The following GRIK3 variants were observed in gnomAD, a reference collection of about 807,000 sequenced individuals.
GRIK3 encodes glutamate ionotropic receptor kainate type subunit 3, also known as glutamate receptor ionotropic, kainate 3.
In GRIK3, 29 loss-of-function variants were observed where a neutral mutation model predicts 102.5. The observed-to-expected ratio is 0.28, with a 90% CI of 0.21 to 0.39. GRIK3 has a LOEUF of 0.39. Among genes scored for constraint, GRIK3 ranks in the 10% least tolerant of loss-of-function variants. The pLI is 1.00. For synonymous variants in GRIK3, 511 were observed against 504.9 expected, an observed-to-expected ratio of 1.01 and a Z score of -0.16; for missense variants, 908 against 1,252.4, an observed-to-expected ratio of 0.73 and a Z score of 4.15.
rs1360147080 is a variant in GRIK3, at chr1:36,841,942, G to T, written c.1327-3C>A. On this transcript the variant is annotated splice_polypyrimidine_tract_variant and splice_region_variant and intron_variant, in intron 9 of 15. Coordinates refer to ENST00000373091, the MANE Select transcript of GRIK3 (RefSeq NM_000831.4). ...CGAAACATGACGAAGGGCTCCTCCT[G>T]CAGAGACAGATGGGCAGGGTGTGAC... 7.4e-6 allele frequency: 12 copies of T among 1,613,340 alleles called. No homozygotes were observed. In the Admixed American group the frequency reaches 2.0e-4, roughly 27 times the overall value.
chr1:36,828,614 A>T (rs892131748), intron 10 of GRIK3, among the ~76,000 whole-genome samples: 3 of 152,158 alleles, frequency 2.0e-5, no homozygotes, highest in Non-Finnish European at 4.4e-5. Flanking sequence ...ATGCCTAATG[A>T]CATTTCTCAG....
intron 15 of GRIK3, chr1:36,804,632 A>G (rs1642477712): frequency 2.3e-6 from 1 of 431,692 alleles, no homozygotes; most frequent in Non-Finnish European, 4.1e-6. Context: ...ATTACCCTGG[A>G]GGGTTTTATG....
At chr1:36,855,642 G>T (rs1640643097) in intron 7 of GRIK3, among the ~76,000 whole-genome samples, 1 of 152,208 alleles carries the variant, frequency 6.6e-6, no homozygotes, top group South Asian at 2.1e-4. Flanking sequence ...GGCATATAGA[G>T]CGCTGAGCAC....
intron 13 of GRIK3, among the ~76,000 whole-genome samples, chr1:36,810,277 A>G (rs2124182008): frequency 6.6e-6 from 1 of 152,280 alleles, no homozygotes; most frequent in East Asian, 1.9e-4. Context: ...TAGGGAACGA[A>G]GTCTCACATA....
chr1:36,958,318 G>A (rs1386783088), intron 1 of GRIK3, among the ~76,000 whole-genome samples: 1 of 87,962 alleles, frequency 1.1e-5, no homozygotes, highest in African/African-American at 6.0e-5. Context: ...TGTGCCCGGT[G>A]AGTCTGTGCC....
At position 36,841,931 on chromosome 1, in the gene GRIK3, G is replaced by C. The variant is rs1640458552; in HGVS notation, c.1335C>G (p.Pro445=). 3 of 1,613,974 alleles carry C rather than the reference G, an allele frequency of 1.9e-6. No individual in the cohort carries two copies. Among genetic ancestry groups the C allele is most frequent in the African/African-American group, 2.7e-5 (2 of 74,916 alleles). The change falls in exon 10 of 16, where the codon CCC becomes CCG. Residue 445 remains proline (P), a synonymous_variant. Transcript: ENST00000373091. ...SLIVTTVLEE[P]FVMFRKSDRT... ...TGTCTGATTTCCGAAACATGACGAA[G>C]GGCTCCTCCTGCAGAGACAGATGGG...
intron 1 of GRIK3, among the ~76,000 whole-genome samples, chr1:36,990,274 C>T (rs1262440043): frequency 6.6e-6 from 1 of 152,222 alleles, no homozygotes; most frequent in Admixed American, 6.5e-5. Context: ...CTGGGCACCT[C>T]CTGTCCTGAC....
intron 1 of GRIK3, among the ~76,000 whole-genome samples, chr1:37,015,217 C>T (rs975913876): frequency 2.0e-5 from 3 of 152,112 alleles, no homozygotes; most frequent in Non-Finnish European, 2.9e-5. Context: ...AGATGATGTG[C>T]TAAAGCAGAG....
chr1:36,856,842 G>A (rs1023574905), intron 7 of GRIK3, among the ~76,000 whole-genome samples: 1 of 152,140 alleles, frequency 6.6e-6, no homozygotes, highest in Non-Finnish European at 1.5e-5. Flanking sequence ...GGGGCAAAGT[G>A]TAAACAGGGT....
intron 1 of GRIK3, among the ~76,000 whole-genome samples, chr1:36,997,322 G>T (rs1367533597): frequency 6.6e-6 from 1 of 152,216 alleles, no homozygotes; most frequent in Non-Finnish European, 1.5e-5. Context: ...TCTCAAATCA[G>T]GATTTAATTG....
intron 10 of GRIK3, among the ~76,000 whole-genome samples, chr1:36,829,436 G>T (rs779622825): frequency 2.0e-5 from 3 of 151,544 alleles, no homozygotes; most frequent in African/African-American, 4.9e-5. Context: ...GAAGGAAACT[G>T]AGGCTCGGAG....
At chr1:36,955,750 G>A (rs76084800) in intron 1 of GRIK3, among the ~76,000 whole-genome samples, 3,261 of 152,340 alleles carry the variant, frequency 0.021, 52 homozygotes, top group Middle Eastern at 0.088. Flanking sequence ...ACACCAAGGC[G>A]TTCAGGACCA....
At chr1:36,933,941 C>T (rs901331660) in intron 1 of GRIK3, among the ~76,000 whole-genome samples, 1 of 152,192 alleles carries the variant, frequency 6.6e-6, no homozygotes, top group African/African-American at 2.4e-5. Context: ...TCTTTATGCC[C>T]CACTGTGGGA....
intron 12 of GRIK3, among the ~76,000 whole-genome samples, chr1:36,818,223 TGCTTTGAATAGCA>T (rs2124190472): frequency 6.6e-6 from 1 of 152,342 alleles, no homozygotes; most frequent in South Asian, 2.1e-4. Flanking sequence ...CAAGGGCCAG[TGCTTTGAATAGCA>T]GCAGGAGGTG....
rs188867973 is a variant in GRIK3 at position 36,967,744 on chromosome 1, T to C, written c.115+66250A>G. ...AGACACACTGAGTCAGAAGCCCAAC[T>C]TTACCACCTATAGACAGGTTACTTA... is the stretch of plus-strand genomic sequence containing the variant. On this transcript the variant is annotated intron_variant, in intron 1 of 15. Transcript: ENST00000373091. 5.2e-4 allele frequency among the ~76,000 whole-genome samples: 79 copies of C among 152,312 alleles called. 2 individuals carry two copies. The Middle Eastern group carries it at 0.014, about 26-fold the overall frequency.
rs542608774 is a variant in GRIK3 at position 36,819,250 on chromosome 1, G to A, written c.1873+486C>T. On this transcript the variant is annotated intron_variant, in intron 12 of 15. Transcript: ENST00000373091. This position sits in a 1 kb window ranked among gnomAD's most constrained non-coding sequence, Gnocchi z 4.1. Reference sequence around the variant, plus strand: ...AGTCCCATCCACAGTGTATCCTGAAGCTCTCTTAGTCCATTTCTGCCTTCC... The same window carrying A: ...AGTCCCATCCACAGTGTATCCTGAAACTCTCTTAGTCCATTTCTGCCTTCC... Among the ~76,000 whole-genome samples the A allele has an allele frequency of 6.6e-6, 1 of 152,286 alleles. No homozygotes were observed. The highest frequency in any genetic ancestry group is 2.1e-4 in the South Asian group (1 of 4,826).
intron 1 of GRIK3, among the ~76,000 whole-genome samples, chr1:36,949,621 C>T (rs1453943839): frequency 8.0e-6 from 1 of 124,704 alleles, no homozygotes; most frequent in Non-Finnish European, 1.6e-5. Context: ...TTGCCCCAGG[C>T]TGGAGTGCAA....
chr1:36,822,681 CA>C, intron 11 of GRIK3, among the ~76,000 whole-genome samples: 1 of 152,186 alleles, frequency 6.6e-6, no homozygotes, highest in African/African-American at 2.4e-5. Flanking sequence ...ACAGGGCATC[CA>C]CTATGGCCAA....
At chr1:36,845,278 T>C (rs1012233087) in intron 9 of GRIK3, among the ~76,000 whole-genome samples, 1 of 152,208 alleles carries the variant, frequency 6.6e-6, no homozygotes, top group African/African-American at 2.4e-5. Flanking sequence ...TCAGTGAAGG[T>C]GCCCTCAATT....
Sources: gnomAD v4.1 joint callset for allele counts (sites outside exome capture counted in the v4.1 genomes callset) on GRCh38, gnomAD v4.1.1 for gene constraint, Gnocchi (gnomAD v3.1) non-coding constraint, MANE v1.5 for transcripts, NCBI Gene and HGNC (gene_info 2026-07-23, HGNC 2026-07-21) for gene names.